STAP2: variants seen among roughly 807,000 people sequenced by gnomAD.
STAP2 encodes signal transducing adaptor family member 2.
Under a neutral mutation model 52.7 loss-of-function variants are expected in STAP2, and 58 were observed. The observed-to-expected ratio is 1.10, with a 90% CI of 0.89 to 1.37. The LOEUF is 1.37. Ranked by LOEUF, STAP2 falls within the 40% of genes most tolerant of loss-of-function variation. STAP2 has a pLI of 0.00. For missense variants in STAP2, 522 were observed against 519.4 expected (o/e 1.00, Z -0.05); for synonymous variants, 231 against 210.5 (o/e 1.10, Z -0.84).
chr19:4,332,600 T>C lies in STAP2; in HGVS notation c.298-522A>G, dbSNP rs186704875. Reference sequence around the variant, plus strand: ...ACTCACGCCTGTAATCCCAGCACTTTGGGAGGTCGAGGCGGGAGGATCACT... The same window carrying C: ...ACTCACGCCTGTAATCCCAGCACTTCGGGAGGTCGAGGCGGGAGGATCACT... On this transcript the variant is annotated intron_variant, in intron 3 of 12. Transcript: ENST00000594605. Among the ~76,000 whole-genome samples the C allele has an allele frequency of 1.4e-3, 205 of 151,296 alleles. 1 individual carries two copies. The highest frequency in any genetic ancestry group is 1.8e-3 in the Non-Finnish European group (119 of 67,780).
chr19:4,336,314 C>CTTTTTT lies in STAP2; in HGVS notation c.103-2276_103-2271dup, dbSNP rs978535649. ...ACAGGCGTGAGCCACTGCACACTGC[C>CTTTTTT]TTTTTTTTTTTTTTTTTTTTTTGAG... On this transcript the variant is annotated intron_variant, in intron 1 of 12. Transcript: ENST00000594605. 1.1e-4 allele frequency among the ~76,000 whole-genome samples: 9 copies of CTTTTTT among 83,450 alleles called. 1 individual carries two copies. Among genetic ancestry groups the CTTTTTT allele is most frequent in the Non-Finnish European group, 1.1e-4 (5 of 44,634 alleles). 54.7% of individuals were successfully genotyped at this position (83,450 alleles called of 152,430 possible).
At chr19:4,333,198 A>G (rs941194214) in intron 3 of STAP2, among the ~76,000 whole-genome samples, 1 of 150,310 alleles carries the variant, frequency 6.7e-6, no homozygotes, top group African/African-American at 2.5e-5. Context: ...AAATAAAAAT[A>G]AAAAATAAAC....
At chr19:4,337,254 C>T (rs1465969953) in intron 1 of STAP2, among the ~76,000 whole-genome samples, 18 of 142,146 alleles carry the variant, frequency 1.3e-4, no homozygotes, top group African/African-American at 3.9e-4. Flanking sequence ...TTTTTTGAGA[C>T]GGAGTCTTGC....
chr19:4,330,378 C>T (rs1430016053), intron 4 of STAP2, among the ~76,000 whole-genome samples: 4 of 151,742 alleles, frequency 2.6e-5, no homozygotes, highest in African/African-American at 9.7e-5. Flanking sequence ...AAAAATTAGC[C>T]GGGCGTGGTG....
Position 4,324,068 on chromosome 19 carries a change from G to T in STAP2, c.*65C>A. 1.3e-6 allele frequency: 2 copies of T among 1,514,898 alleles called. No homozygotes were observed. Among genetic ancestry groups the T allele is most frequent in the Non-Finnish European group, 1.8e-6 (2 of 1,115,370 alleles). The allele number at this position is 1,514,898 out of a possible 1,614,324, so 93.8% of individuals were successfully genotyped here. On this transcript the variant is annotated 3_prime_UTR_variant, in exon 13 of 13. Coordinates refer to ENST00000594605, the MANE Select transcript of STAP2 (RefSeq NM_001013841.2). The stretch of plus-strand genomic sequence containing the variant: ...TCCTGGGGTCAGAGTTTTAATCCTG[G>T]GAAAAAGAATCTGGCCGCTGGGCCA...
At position 4,330,078 on chromosome 19, in the gene STAP2, G is replaced by GGAC. The variant is rs754452266; in HGVS notation, c.355-20_355-18dup. On this transcript the variant is annotated splice_polypyrimidine_tract_variant and intron_variant, in intron 4 of 12. Transcript: ENST00000594605. Reference sequence around the variant, plus strand: ...GACACGGAGCTGAGGGGCGATCGAGGGACAGTGACTGCACCTGGCCAGCCG... The same window carrying GGAC: ...GACACGGAGCTGAGGGGCGATCGAGGGACGACAGTGACTGCACCTGGCCAGCCG... 1 of 1,606,652 alleles carries GGAC rather than the reference G, an allele frequency of 6.2e-7. No individual in the cohort carries two copies. Among genetic ancestry groups the GGAC allele is most frequent in the African/African-American group, 1.3e-5 (1 of 74,894 alleles).
intron 6 of STAP2, 74 bp downstream of exon 6, chr19:4,328,601 T>C: frequency 2.0e-6 from 3 of 1,530,744 alleles, no homozygotes; most frequent in Non-Finnish European, 2.6e-6. Flanking sequence ...CCGCCCCTGC[T>C]TCTGACCACG....
At chr19:4,327,595 C>T (rs549039536) in intron 6 of STAP2, among the ~76,000 whole-genome samples, 1 of 152,162 alleles carries the variant, frequency 6.6e-6, no homozygotes, top group South Asian at 2.1e-4. Flanking sequence ...CCGATCCCAG[C>T]ACTGCTCCCA....
At chr19:4,338,567 G>A in intron 1 of STAP2, 85 bp downstream of exon 1, 2 of 385,478 alleles carry the variant, frequency 5.2e-6, no homozygotes, top group Non-Finnish European at 8.7e-6. Context: ...GCCCCCCCTT[G>A]GCGAGTGGGG....
intron 1 of STAP2, among the ~76,000 whole-genome samples, chr19:4,336,314 C>CTTTTTTT (rs978535649): frequency 1.1e-4 from 9 of 83,448 alleles, no homozygotes; most frequent in Non-Finnish European, 1.3e-4. Context: ...TGCACACTGC[C>CTTTTTTT]TTTTTTTTTT....
At chr19:4,330,110 G>C in intron 4 of STAP2, 49 bp from the exon 5 acceptor site, 2 of 1,483,028 alleles carry the variant, frequency 1.3e-6, no homozygotes, top group Non-Finnish European at 1.9e-6. Context: ...GCCGGGAATG[G>C]ACGGCTGTGC....
Position 4,333,767 on chromosome 19 carries a change from A to C in STAP2, c.224T>G (p.Ile75Ser), listed in dbSNP as rs1325655731. Residue 75 changes from isoleucine (I) to serine (S), a missense_variant, in exon 3 of 13, where the codon ATT (isoleucine) becomes AGT (serine). Coordinates refer to ENST00000594605, the MANE Select transcript of STAP2 (RefSeq NM_001013841.2). ...LGAFEKLTDE[I>S]PWGSSRDPGT... is the part of the protein sequence containing the mutation. ...AGGGTCACGTGAGCTTCCCCAGGGA[A>C]TCTCATCTGTGAGTTTCTCAAATGC... is the stretch of plus-strand genomic sequence containing the variant. 5 of 1,613,508 alleles carry C rather than the reference A, an allele frequency of 3.1e-6. No homozygotes were observed. Among genetic ancestry groups the C allele is most frequent in the Non-Finnish European group, 4.2e-6 (5 of 1,179,964 alleles).
Position 4,338,644 on chromosome 19 carries a change from C to T in STAP2, c.102+8G>A. On this transcript the variant is annotated splice_region_variant and intron_variant, in intron 1 of 12. Coordinates refer to ENST00000594605, the MANE Select transcript of STAP2 (RefSeq NM_001013841.2). ...CCAGCAGGGCCAGCCCCCGCCTCCCCACCTTACCCGGTCACAGGGCCCCTT... is the reference window on the plus strand; with the variant it reads ...CCAGCAGGGCCAGCCCCCGCCTCCCTACCTTACCCGGTCACAGGGCCCCTT... 6.2e-7 allele frequency: 1 copy of T among 1,610,752 alleles called. No individual in the cohort carries two copies. The highest frequency in any genetic ancestry group is 8.5e-7 in the Non-Finnish European group (1 of 1,178,270).
Position 4,333,988 on chromosome 19 carries a change from G to A in STAP2, c.159C>T (p.Ser53=), listed in dbSNP as rs200009570. ...CCATCCTTACCTGGAAGTCCCGATT[G>A]CTATTGTAGAAATAAATGGTGAGAC... is the stretch of plus-strand genomic sequence containing the variant. ...LQGLTIYFYN[S]NRDFQHVEKL... Residue 53 remains serine (S), a synonymous_variant, in exon 2 of 13, where the codon AGC becomes AGT. Coordinates refer to ENST00000594605, the MANE Select transcript of STAP2 (RefSeq NM_001013841.2). 3 of 1,613,396 alleles carry A rather than the reference G, an allele frequency of 1.9e-6. No individual in the cohort carries two copies. The highest frequency in any genetic ancestry group is 2.7e-5 in the African/African-American group (2 of 75,006).
At position 4,338,695 on chromosome 19, in the gene STAP2, T is replaced by C. The variant is rs1972019978; in HGVS notation, c.59A>G (p.His20Arg). The C allele has an allele frequency of 1.4e-5, 22 of 1,613,626 alleles. 1 individual carries two copies. The highest frequency in any genetic ancestry group is 1.8e-5 in the Non-Finnish European group (21 of 1,179,802). ...VPKPKGVLPSHYYESFLEKKG... is the reference protein window; with the variant it reads ...VPKPKGVLPSRYYESFLEKKG... ...CTTCTCTAGAAAGCTCTCATAGTAG[T>C]GTGAAGGCAGGACACCCTTAGGCTT... The change falls in exon 1 of 13, where the codon CAC becomes CGC. Residue 20 changes from histidine to arginine, a missense_variant. Transcript: ENST00000594605.
intron 4 of STAP2, among the ~76,000 whole-genome samples, 167 bp from the exon 5 acceptor site, chr19:4,330,228 G>A (rs963714852): frequency 3.3e-5 from 5 of 152,032 alleles, no homozygotes; most frequent in Non-Finnish European, 1.5e-5. Flanking sequence ...TTGCATGAGA[G>A]TAGATGCTGG....
chr19:4,327,271 C>G, intron 7 of STAP2, 45 bp from the exon 8 acceptor site: 1 of 1,613,756 alleles, frequency 6.2e-7, no homozygotes, highest in Non-Finnish European at 8.5e-7. Flanking sequence ...AGAAGGGACG[C>G]GGACCCCACA....
At chr19:4,336,778 C>A (rs1971987228) in intron 1 of STAP2, among the ~76,000 whole-genome samples, 3 of 151,776 alleles carry the variant, frequency 2.0e-5, no homozygotes, top group Admixed American at 2.0e-4. Flanking sequence ...GGGATTAAGG[C>A]GCCTGGCACC....
At chr19:4,333,946 C>G in intron 2 of STAP2, 27 bp downstream of exon 2, 1 of 1,611,966 alleles carries the variant, frequency 6.2e-7, no homozygotes, top group Admixed American at 1.7e-5. Context: ...GGAAGGCCTG[C>G]TCTGGAGCCT....
Sources: gnomAD v4.1 joint callset for allele counts (sites outside exome capture counted in the v4.1 genomes callset) on GRCh38, gnomAD v4.1.1 for gene constraint, MANE v1.5 for transcripts, NCBI Gene and HGNC (gene_info 2026-07-23, HGNC 2026-07-21) for gene names.